The following ANXA4 variants were observed in gnomAD, a reference collection of about 807,000 sequenced individuals.
ANXA4 encodes annexin A4, also known as 35-beta calcimedin.
A neutral mutation model predicts 49.8 loss-of-function variants in ANXA4; 39 were observed. The observed-to-expected ratio is 0.78, with a 90% CI of 0.61 to 1.02. The LOEUF is 1.02. ANXA4 is among the 50% of genes least tolerant of loss of function. The pLI is 0.00. For synonymous variants in ANXA4, 134 were observed against 152.5 expected (o/e 0.88, Z 0.89); for missense variants, 360 against 410.1 (o/e 0.88, Z 1.05).
intron 5 of ANXA4, 113 bp from the exon 6 acceptor site, chr2:69,807,793 G>T (rs962673850): frequency 2.4e-6 from 2 of 840,324 alleles, no homozygotes; most frequent in Non-Finnish European, 3.8e-6. Context: ...TTGTTAGAAC[G>T]CAGTGGATTG....
rs1030303848 is a variant in ANXA4, at chr2:69,763,291, G to A, written c.-46-18229G>A. Among the ~76,000 whole-genome samples the A allele has an allele frequency of 2.0e-5, 3 of 152,198 alleles. No individual in the cohort carries two copies. The East Asian group carries it at 5.8e-4, about 29-fold the overall frequency. ...GGCGCGGGAGGCCCCAGAACAAAGT[G>A]AGACTTTGAAGAGAGCAGTGCTTAC... On this transcript the variant is annotated intron_variant, in intron 1 of 12. Transcript: ENST00000394295.
intron 2 of ANXA4, among the ~76,000 whole-genome samples, chr2:69,707,657 C>T (rs1164319917): frequency 6.6e-6 from 1 of 152,212 alleles, no homozygotes; most frequent in Non-Finnish European, 1.5e-5. Flanking sequence ...TTGATACAGG[C>T]ATGCTACGCA....
intron 2 of ANXA4, among the ~76,000 whole-genome samples, chr2:69,690,237 G>GTTTA (rs887572950): frequency 2.6e-5 from 4 of 151,948 alleles, no homozygotes; most frequent in African/African-American, 7.2e-5. Context: ...TTTTATTTTT[G>GTTTA]TTTATTTATT....
At chr2:69,687,230 A>ATGG (rs1287607437) in intron 2 of ANXA4, among the ~76,000 whole-genome samples, 1 of 152,218 alleles carries the variant, frequency 6.6e-6, no homozygotes, top group Non-Finnish European at 1.5e-5. Context: ...CTGGCTAGGC[A>ATGG]TGGTGGCTCA....
intron 2 of ANXA4, among the ~76,000 whole-genome samples, chr2:69,656,345 G>GTATATATA: frequency 1.0e-5 from 1 of 96,902 alleles, no homozygotes; most frequent in South Asian, 3.6e-4. Context: ...GTATATATAT[G>GTATATATA]TGTATATATG....
At chr2:69,751,119 G>A (rs1670823401) in intron 1 of ANXA4, among the ~76,000 whole-genome samples, 1 of 152,164 alleles carries the variant, frequency 6.6e-6, no homozygotes, top group African/African-American at 2.4e-5. Flanking sequence ...GAGGCACAAA[G>A]GGGTTGAGTA....
At chr2:69,656,010 C>T (rs1284435351) in intron 2 of ANXA4, among the ~76,000 whole-genome samples, 1 of 151,762 alleles carries the variant, frequency 6.6e-6, no homozygotes, top group Admixed American at 6.6e-5. Flanking sequence ...GAACATCACA[C>T]ACTGGGGCCT....
intron 2 of ANXA4, among the ~76,000 whole-genome samples, chr2:69,666,222 A>G (rs1172618617): frequency 2.0e-5 from 3 of 152,226 alleles, no homozygotes; most frequent in African/African-American, 4.8e-5. Flanking sequence ...CACATGGCCA[A>G]TAAACACATG....
In ANXA4 at chr2:69,826,711, G is replaced by C. The variant is rs922932179; in HGVS notation, c.*1196G>C. On this transcript the variant is annotated 3_prime_UTR_variant, in exon 13 of 13. Coordinates refer to ENST00000394295, the MANE Select transcript of ANXA4 (RefSeq NM_001153.5). Reference sequence around the variant, plus strand: ...AGTCAGGGAGAACTGCTTGAACCCAGGAGGCAGGAGGCAAAGGTTGCAGTG... The same window carrying C: ...AGTCAGGGAGAACTGCTTGAACCCACGAGGCAGGAGGCAAAGGTTGCAGTG... 1 of 151,700 alleles carries C rather than the reference G, an allele frequency of 6.6e-6. No homozygotes were observed. Among genetic ancestry groups the C allele is most frequent in the African/African-American group, 2.4e-5 (1 of 41,208 alleles). 9.4% of individuals were successfully genotyped at this position (151,700 alleles called of 1,614,324 possible).
chr2:69,731,625 G>C (rs1012792291), intron 3 of ANXA4, among the ~76,000 whole-genome samples: 2 of 151,452 alleles, frequency 1.3e-5, no homozygotes, highest in African/African-American at 2.5e-5. Flanking sequence ...AGCAGCAGAA[G>C]GGCACAACCT....
intron 3 of ANXA4, among the ~76,000 whole-genome samples, chr2:69,734,036 G>C (rs1256763665): frequency 6.6e-6 from 1 of 151,784 alleles, no homozygotes; most frequent in Non-Finnish European, 1.5e-5. Flanking sequence ...GATGCTCTTA[G>C]AATCTTCCTC....
At chr2:69,736,850 G>A (rs1002411824) in intron 3 of ANXA4, among the ~76,000 whole-genome samples, 7 of 152,110 alleles carry the variant, frequency 4.6e-5, no homozygotes, top group Admixed American at 4.6e-4. Flanking sequence ...CACTCAGGTT[G>A]GAGTGCAGTG....
At chr2:69,726,228 T>C (rs1456987149) in intron 3 of ANXA4, among the ~76,000 whole-genome samples, 1 of 152,158 alleles carries the variant, frequency 6.6e-6, no homozygotes, top group African/African-American at 2.4e-5. Flanking sequence ...CCCCCCTCAC[T>C]CTCTCCTGCC....
intron 2 of ANXA4, among the ~76,000 whole-genome samples, chr2:69,671,749 T>G (rs1217828387): frequency 6.6e-6 from 1 of 152,042 alleles, no homozygotes; most frequent in African/African-American, 2.4e-5. Context: ...TACACACATA[T>G]GAATTGTGAA....
chr2:69,677,300 G>C (rs1677446294), intron 2 of ANXA4, among the ~76,000 whole-genome samples: 1 of 151,980 alleles, frequency 6.6e-6, no homozygotes, highest in African/African-American at 2.4e-5. Context: ...GCCCATCTTG[G>C]CTCACTGCAA....
chr2:69,763,138 C>T (rs1671363082), intron 1 of ANXA4, among the ~76,000 whole-genome samples: 2 of 152,142 alleles, frequency 1.3e-5, no homozygotes, highest in Non-Finnish European at 2.9e-5. Flanking sequence ...TGTTTTTGTG[C>T]TCTTCTGCCG....
intron 1 of ANXA4, among the ~76,000 whole-genome samples, chr2:69,744,875 A>C (rs971091856): frequency 2.0e-5 from 3 of 152,186 alleles, no homozygotes; most frequent in Admixed American, 1.3e-4. Context: ...CTAAATCTTG[A>C]ACAAGTGTTT....
At chr2:69,752,245 G>A (rs1670873226) in intron 1 of ANXA4, among the ~76,000 whole-genome samples, 1 of 152,208 alleles carries the variant, frequency 6.6e-6, no homozygotes, top group Non-Finnish European at 1.5e-5. Flanking sequence ...TTCTGTAGGT[G>A]TATGGGAGAC....
chr2:69,719,175 A>C (rs1454823511), intron 2 of ANXA4, among the ~76,000 whole-genome samples: 3 of 149,568 alleles, frequency 2.0e-5, no homozygotes, highest in Non-Finnish European at 4.4e-5. Flanking sequence ...ACAAGGTTTC[A>C]CTATGTTGGC....
Sources: allele counts gnomAD v4.1 joint callset (sites outside exome capture counted in the v4.1 genomes callset), GRCh38; gene constraint gnomAD v4.1.1; transcripts MANE v1.5; gene names NCBI Gene and HGNC (gene_info 2026-07-23, HGNC 2026-07-21).